Variants in ZNF385D observed in about 807,000 individuals in gnomAD.
The protein encoded by ZNF385D is zinc finger protein 659.
Under a neutral mutation model 35.8 loss-of-function variants are expected in ZNF385D, and 15 were observed. The observed-to-expected ratio is 0.42, with a 90% CI of 0.28 to 0.64. The LOEUF (loss-of-function observed/expected upper bound fraction) is 0.64, where lower values mean the gene tolerates loss of function less well. Ranked by LOEUF, ZNF385D falls within the 30% of genes least tolerant of loss-of-function variation. ZNF385D has a pLI of 0.23. For synonymous variants in ZNF385D, 212 were observed against 186.8 expected (o/e 1.13, Z -1.10); for missense variants, 474 against 494.6 (o/e 0.96, Z 0.39).
intron 1 of ZNF385D, among the ~76,000 whole-genome samples, chr3:21,722,099 C>CAAAAA (rs56852209): frequency 8.9e-6 from 1 of 112,572 alleles, no homozygotes. Context: ...GACTCTGTCT[C>CAAAAA]AAAAAAAAAA....
rs540042067 is a variant in ZNF385D at position 22,149,473 on chromosome 3, C to T, written c.325+19344G>A. On this transcript the variant is annotated intron_variant, in intron 3 of 5. Transcript: ENST00000494108. ...GAGCATGCAACAGAATCGCCCAAAG[C>T]GTTCTTTAAGACACAGATTGCTTGG... 1.9e-3 allele frequency among the ~76,000 whole-genome samples: 285 copies of T among 152,222 alleles called. 1 individual carries two copies. The highest frequency in any genetic ancestry group is 2.4e-3 in the Non-Finnish European group (165 of 68,010).
intron 2 of ZNF385D, among the ~76,000 whole-genome samples, chr3:22,279,796 A>T (rs1426592273): frequency 6.6e-6 from 1 of 152,026 alleles, no homozygotes; most frequent in Non-Finnish European, 1.5e-5. Flanking sequence ...CTCTGGGTAG[A>T]TACACAGTAG....
At chr3:21,863,653 T>G (rs776205327) in intron 3 of ZNF385D, among the ~76,000 whole-genome samples, 1 of 152,056 alleles carries the variant, frequency 6.6e-6, no homozygotes, top group Non-Finnish European at 1.5e-5. Flanking sequence ...GTCTACTGAA[T>G]AGTGGAAGAA....
At chr3:22,123,968 A>C (rs868099338) in intron 3 of ZNF385D, among the ~76,000 whole-genome samples, 4,098 of 100,672 alleles carry the variant, frequency 0.041, 73 homozygotes, top group African/African-American at 0.048. Context: ...CTCTCTATAT[A>C]TATATATATA....
intron 3 of ZNF385D, among the ~76,000 whole-genome samples, chr3:22,165,108 C>A (rs1706226790): frequency 6.6e-6 from 1 of 151,962 alleles, no homozygotes; most frequent in African/African-American, 2.4e-5. Flanking sequence ...TTTTGTAAAC[C>A]CACAGAATGT....
chr3:22,256,645 T>C (rs1300123113), intron 2 of ZNF385D, among the ~76,000 whole-genome samples: 5 of 151,966 alleles, frequency 3.3e-5, no homozygotes, highest in African/African-American at 7.2e-5. Flanking sequence ...GTTGTTTGTA[T>C]AGCAGCAGTT....
At chr3:22,137,798 T>C (rs1303804561) in intron 3 of ZNF385D, among the ~76,000 whole-genome samples, 1 of 151,970 alleles carries the variant, frequency 6.6e-6, no homozygotes, top group African/African-American at 2.4e-5. Context: ...CTATTCAATA[T>C]AGTGTTGGAA....
intron 3 of ZNF385D, among the ~76,000 whole-genome samples, chr3:22,167,476 T>C (rs1472859775): frequency 2.6e-5 from 4 of 152,218 alleles, no homozygotes; most frequent in Admixed American, 2.6e-4. Context: ...TCTACCCTTC[T>C]CACTCTTCGT....
At chr3:21,914,319 T>C (rs1311309344) in intron 3 of ZNF385D, among the ~76,000 whole-genome samples, 1 of 152,014 alleles carries the variant, frequency 6.6e-6, no homozygotes. Context: ...AAGTAAATTA[T>C]CTTCAAATGT....
chr3:21,928,310 T>C (rs946839149), intron 3 of ZNF385D, among the ~76,000 whole-genome samples: 11 of 95,736 alleles, frequency 1.1e-4, no homozygotes, highest in Non-Finnish European at 2.0e-4. Context: ...GGAAGGAAGG[T>C]AGGAGGGAGG....
chr3:22,222,664 G>C (rs530574049), intron 2 of ZNF385D, among the ~76,000 whole-genome samples: 1 of 152,074 alleles, frequency 6.6e-6, no homozygotes, highest in African/African-American at 2.4e-5. Flanking sequence ...TGTAATATGG[G>C]AATAACAATA....
At chr3:21,687,128 G>C (rs1315774938) in intron 1 of ZNF385D, among the ~76,000 whole-genome samples, 1 of 152,132 alleles carries the variant, frequency 6.6e-6, no homozygotes, top group East Asian at 1.9e-4. Context: ...GGGAGAGTAA[G>C]AGGTTATACA....
At position 21,653,604 on chromosome 3, in the gene ZNF385D, C is replaced by G. The variant is rs1167649041; in HGVS notation, c.165+11282G>C. ...TTAGGTAAGTAAAATTAAAAACAAA[C>G]TTGAAGCTCAAAATAATTATTTATC... is the stretch of plus-strand genomic sequence containing the variant. On this transcript the variant is annotated intron_variant, in intron 2 of 7. Transcript: ENST00000281523. Among the ~76,000 whole-genome samples the G allele has an allele frequency of 2.0e-5, 3 of 152,038 alleles. No individual in the cohort carries two copies. The East Asian group carries it at 5.8e-4, about 29-fold the overall frequency.
chr3:22,095,476 C>G (rs1701568966), intron 3 of ZNF385D, among the ~76,000 whole-genome samples: 2 of 152,042 alleles, frequency 1.3e-5, no homozygotes, highest in Admixed American at 6.6e-5. Flanking sequence ...TATCCCATTT[C>G]TATGGGACAA....
intron 2 of ZNF385D, among the ~76,000 whole-genome samples, chr3:22,207,197 G>A (rs1331590161): frequency 6.6e-6 from 1 of 151,866 alleles, no homozygotes; most frequent in African/African-American, 2.4e-5. Flanking sequence ...TACCAAGATT[G>A]TATGCAGTAG....
At chr3:21,888,994 C>G (rs1000428200) in intron 3 of ZNF385D, among the ~76,000 whole-genome samples, 2 of 152,214 alleles carry the variant, frequency 1.3e-5, no homozygotes, top group Admixed American at 6.5e-5. Context: ...ACTCAGGAAA[C>G]TATAGATGAC....
chr3:21,527,605 C>T (rs233155), intron 3 of ZNF385D, among the ~76,000 whole-genome samples: 120,615 of 152,048 alleles, frequency 0.79, 47,963 homozygotes, highest in East Asian at 0.89. Context: ...TCATTAACTT[C>T]AGGCTTTCCT....
At chr3:21,459,554 A>G (rs1575183776) in intron 4 of ZNF385D, 1 of 152,152 alleles carries the variant, frequency 6.6e-6, no homozygotes, top group East Asian at 1.9e-4. Flanking sequence ...CACAAATTAA[A>G]TGGTGTGGAC....
Position 21,812,056 on chromosome 3 carries a change from T to A in ZNF385D, c.326-147028A>T, listed in dbSNP as rs138324416. Among the ~76,000 whole-genome samples, 83 of 152,232 alleles carry A rather than the reference T, an allele frequency of 5.5e-4. No homozygotes were observed. The East Asian group carries it at 0.016, about 29-fold the overall frequency. The stretch of plus-strand genomic sequence containing the variant: ...ATCTCTAAATATAAATATCAGTTTA[T>A]AGAAAACACAAGGAATTTAAGAGGA... On this transcript the variant is annotated intron_variant, in intron 3 of 5. Coordinates refer to the ZNF385D transcript ENST00000494108.
Sources: allele counts gnomAD v4.1 joint callset (sites outside exome capture counted in the v4.1 genomes callset), GRCh38; gene constraint gnomAD v4.1.1; transcripts MANE v1.5; gene names NCBI Gene and HGNC (gene_info 2026-07-23, HGNC 2026-07-21).